The following ICA1L variants were observed in gnomAD, a reference collection of about 807,000 sequenced individuals.
ICA1L encodes the protein islet cell autoantigen 1-like protein.
In ICA1L, 50 loss-of-function variants were observed where a neutral mutation model predicts 61.3. The ratio of observed to expected loss-of-function variants is 0.82; its 90% CI spans 0.65 to 1.03. ICA1L has a LOEUF of 1.03. Ranked by LOEUF, ICA1L falls within the 50% of genes least tolerant of loss-of-function variation. ICA1L has a pLI of 0.00. For synonymous variants in ICA1L, 161 were observed against 191.3 expected, an observed-to-expected ratio of 0.84 and a Z score of 1.31; for missense variants, 508 against 556.7, an observed-to-expected ratio of 0.91 and a Z score of 0.88.
chr2:202,784,580 G>C (rs1692519207), intron 12 of ICA1L, among the ~76,000 whole-genome samples: 1 of 152,174 alleles, frequency 6.6e-6, no homozygotes, highest in Non-Finnish European at 1.5e-5. Flanking sequence ...TAAAAAATGT[G>C]ATCCATGGAT....
intron 9 of ICA1L, among the ~76,000 whole-genome samples, chr2:202,808,342 C>T (rs151309902): frequency 1.2e-3 from 181 of 152,058 alleles, no homozygotes; most frequent in African/African-American, 4.1e-3. Flanking sequence ...CAGGCAGTAC[C>T]TGCTGCAGGG....
At chr2:202,837,288 T>C (rs1048394358) in intron 1 of ICA1L, among the ~76,000 whole-genome samples, 4 of 152,042 alleles carry the variant, frequency 2.6e-5, no homozygotes, top group East Asian at 3.9e-4. Flanking sequence ...TGTTGTTTTT[T>C]TTTGTTTTTG....
At position 202,778,080 on chromosome 2, in the gene ICA1L, C is replaced by T. The variant is rs1692281304; in HGVS notation, c.*1453G>A. The stretch of plus-strand genomic sequence containing the variant: ...TATTTTTAGTAGAGACGGGGTTTCA[C>T]CATGTTAGCCAGGATGGTCTCCATC... On this transcript the variant is annotated 3_prime_UTR_variant, in exon 13 of 13. Coordinates refer to ENST00000358299, the MANE Select transcript of ICA1L (RefSeq NM_001288622.3). 1 of 151,948 alleles carries T rather than the reference C, an allele frequency of 6.6e-6. No homozygotes were observed. Among genetic ancestry groups the T allele is most frequent in the South Asian group, 2.1e-4 (1 of 4,810 alleles). The allele number at this position is 151,948 out of a possible 1,614,324, so 9.4% of individuals were successfully genotyped here.
At chr2:202,811,535 A>G (rs11684862) in intron 9 of ICA1L, among the ~76,000 whole-genome samples, 1 of 151,566 alleles carries the variant, frequency 6.6e-6, no homozygotes, top group Admixed American at 6.6e-5. Context: ...GGTGGCAGGC[A>G]CCTGTAGTCC....
At chr2:202,811,418 G>A (rs1015696540) in intron 9 of ICA1L, among the ~76,000 whole-genome samples, 16 of 152,072 alleles carry the variant, frequency 1.1e-4, no homozygotes, top group Admixed American at 3.9e-4. Context: ...AGTTTGAGAG[G>A]CCGAGGTGGG....
chr2:202,786,776 CTG>C (rs1320550025), intron 11 of ICA1L: 1 of 442,402 alleles, frequency 2.3e-6, no homozygotes, highest in East Asian at 7.1e-5. Flanking sequence ...GCAGCATTAT[CTG>C]TAATAATGAA....
chr2:202,786,816 G>A (rs1174299149), intron 11 of ICA1L: 3 of 439,396 alleles, frequency 6.8e-6, no homozygotes, highest in South Asian at 3.3e-5. Context: ...GAAGGAATCA[G>A]GTAGATTATG....
chr2:202,789,787 AATGT>A (rs1248424453), intron 10 of ICA1L, among the ~76,000 whole-genome samples: 1 of 152,216 alleles, frequency 6.6e-6, no homozygotes, highest in East Asian at 1.9e-4. Flanking sequence ...TGTTAAGTAA[AATGT>A]ATAGAAGACC....
intron 1 of ICA1L, among the ~76,000 whole-genome samples, chr2:202,850,158 C>A (rs556475322): frequency 1.7e-4 from 26 of 152,150 alleles, no homozygotes; most frequent in African/African-American, 5.8e-4. Flanking sequence ...CCTCAAAGAT[C>A]AAAGGTAGAT....
chr2:202,786,793 T>C (rs1470510226), intron 11 of ICA1L: 1 of 446,132 alleles, frequency 2.2e-6, no homozygotes, highest in South Asian at 1.6e-5. Context: ...AATGAACAAG[T>C]AGAAACAATA....
At chr2:202,817,575 T>G (rs779727461) in intron 5 of ICA1L, 32 bp from the exon 6 acceptor site, 11 of 1,341,658 alleles carry the variant, frequency 8.2e-6, no homozygotes, top group Non-Finnish European at 1.2e-5. Context: ...TTATTACAGA[T>G]ATATACTATA....
At chr2:202,821,061 A>G (rs965043836) in intron 4 of ICA1L, among the ~76,000 whole-genome samples, 1 of 152,202 alleles carries the variant, frequency 6.6e-6, no homozygotes, top group Non-Finnish European at 1.5e-5. Flanking sequence ...GTTACATTAA[A>G]CCAGTTGAGA....
rs1692184673 is a variant in ICA1L at position 202,775,218 on chromosome 2, CCTAATTT to C, written c.*4308_*4314del. The C allele has an allele frequency of 6.6e-6, 1 of 152,202 alleles. No individual in the cohort carries two copies. The highest frequency in any genetic ancestry group is 1.5e-5 in the Non-Finnish European group (1 of 68,034). The allele number at this position is 152,202 out of a possible 1,614,324, so 9.4% of individuals were successfully genotyped here. On this transcript the variant is annotated 3_prime_UTR_variant, in exon 13 of 13. Transcript: ENST00000358299. ...AATATTTTAAAGTTCGTTTTTCCTTCCTAATTTCTATATTCCAAAATTCTGGGACTGC... is the reference window on the plus strand; with the variant it reads ...AATATTTTAAAGTTCGTTTTTCCTTCCTATATTCCAAAATTCTGGGACTGC...
chr2:202,862,541 T>C (rs1694950033), intron 1 of ICA1L, among the ~76,000 whole-genome samples: 1 of 152,150 alleles, frequency 6.6e-6, no homozygotes, highest in African/African-American at 2.4e-5. Context: ...AAATAACATA[T>C]ATCTAAATAA....
chr2:202,829,075 AC>A (rs749948716), intron 1 of ICA1L, 59 bp from the exon 2 acceptor site: 22 of 1,390,066 alleles, frequency 1.6e-5, no homozygotes, highest in Non-Finnish European at 1.9e-5. Flanking sequence ...TAGGCTGGGC[AC>A]GGTGGCTCAC....
chr2:202,841,804 G>C (rs925538069), intron 1 of ICA1L: 1 of 359,374 alleles, frequency 2.8e-6, no homozygotes, highest in African/African-American at 2.1e-5. Flanking sequence ...AGTGGAGGCA[G>C]GTGGGCTGAA....
intron 1 of ICA1L, chr2:202,841,468 G>A (rs1462612901): frequency 3.3e-6 from 3 of 908,390 alleles, no homozygotes; most frequent in Non-Finnish European, 5.4e-6. Flanking sequence ...CTTGTCTATG[G>A]AGGAGGCAAA....
intron 1 of ICA1L, among the ~76,000 whole-genome samples, chr2:202,846,399 C>CCTAAGA (rs1044210416): frequency 2.0e-5 from 3 of 151,572 alleles, no homozygotes; most frequent in Non-Finnish European, 2.9e-5. Context: ...TTGTAGAGAT[C>CCTAAGA]CTAAGACTGT....
chr2:202,807,220 A>C (rs1443164264), intron 9 of ICA1L, among the ~76,000 whole-genome samples: 1 of 152,268 alleles, frequency 6.6e-6, no homozygotes, highest in Non-Finnish European at 1.5e-5. Flanking sequence ...TGAAGAAGAT[A>C]GGAAAGACAG....
Sources: gnomAD v4.1 joint callset for allele counts (sites outside exome capture counted in the v4.1 genomes callset) on GRCh38, gnomAD v4.1.1 for gene constraint, MANE v1.5 for transcripts, NCBI Gene and HGNC (gene_info 2026-07-23, HGNC 2026-07-21) for gene names.